Variants in RALGDS observed in about 807,000 individuals in gnomAD.
RALGDS encodes the protein ral guanine nucleotide dissociation stimulator.
RALGDS carries 44 observed loss-of-function variants against 99.8 expected under a neutral mutation model. That is an observed-to-expected ratio of 0.44 (90% CI 0.35 to 0.57). The LOEUF (loss-of-function observed/expected upper bound fraction) is 0.57. RALGDS is among the 20% of genes least tolerant of loss of function. The pLI, the probability that RALGDS is intolerant of heterozygous loss-of-function variation, is 0.01. For synonymous variants in RALGDS, 529 were observed against 505.0 expected, an observed-to-expected ratio of 1.05 and a Z score of -0.64; for missense variants, 1,022 against 1,203.1, an observed-to-expected ratio of 0.85 and a Z score of 2.23.
chr9:133,106,553 G>C, intron 8 of RALGDS, 92 bp downstream of exon 8: 1 of 991,252 alleles, frequency 1.0e-6, no homozygotes, highest in Non-Finnish European at 1.5e-6. Flanking sequence ...TGCCCTCAGG[G>C]TTTGTGGCCT....
chr9:133,135,353 T>C (rs1832409091), upstream of RALGDS, among the ~76,000 whole-genome samples: 1 of 152,156 alleles, frequency 6.6e-6, no homozygotes, highest in African/African-American at 2.4e-5. Flanking sequence ...AACTGGCTGA[T>C]TCACCCACCG....
chr9:133,127,182 C>A (rs145364080), intron 1 of RALGDS, among the ~76,000 whole-genome samples: 2 of 152,270 alleles, frequency 1.3e-5, no homozygotes, highest in South Asian at 4.1e-4. Flanking sequence ...ACCTTCAAGT[C>A]GGGACCCAGG....
chr9:133,109,549 TCCGGCC>T (rs1271557209), intron 4 of RALGDS, 71 bp downstream of exon 4: 2 of 1,358,708 alleles, frequency 1.5e-6, no homozygotes, highest in Admixed American at 1.7e-5. Flanking sequence ...CAGCCCCGGC[TCCGGCC>T]CCAGCCCCAT....
chr9:133,101,323 C>T (rs764700094), intron 16 of RALGDS, 197 bp downstream of exon 16: 52 of 1,432,598 alleles, frequency 3.6e-5, no homozygotes, highest in Non-Finnish European at 4.5e-5. Context: ...CTTTGCACGG[C>T]TGCTCCTTTC....
rs201226001 is a variant in RALGDS at position 133,101,888 on chromosome 9, T to C, written c.2211+50A>G. The stretch of plus-strand genomic sequence containing the variant: ...GGGCTTCCTGGCCCCATGCATGGAT[T>C]TGGAGTGGGGAGATGGGAAAGGATA... On this transcript the variant is annotated intron_variant, in intron 15 of 17. Transcript: ENST00000372050. 41 of 1,550,932 alleles carry C rather than the reference T, an allele frequency of 2.6e-5. No individual in the cohort carries two copies. The Admixed American group carries it at 2.9e-4, about 11-fold the overall frequency.
chr9:133,100,267 C>T lies in RALGDS; in HGVS notation c.2569+1G>A. ...CATCGCCCTCTGGTCTTCTGACTTACTCCGGTCATCTGAGAGAATCTGCAG... is the reference window on the plus strand; with the variant it reads ...CATCGCCCTCTGGTCTTCTGACTTATTCCGGTCATCTGAGAGAATCTGCAG... On this transcript the variant is annotated splice_donor_variant, in intron 17 of 17. Coordinates refer to ENST00000372050, the MANE Select transcript of RALGDS (RefSeq NM_006266.4). LOFTEE classifies it high-confidence loss of function. 2 of 1,614,004 alleles carry T rather than the reference C, an allele frequency of 1.2e-6. No individual in the cohort carries two copies. Among genetic ancestry groups the T allele is most frequent in the Non-Finnish European group, 1.7e-6 (2 of 1,179,822 alleles).
rs1831922489 is a variant in RALGDS, at chr9:133,121,186, CCGGCGCGCGGCGGGGGCGGCGGCG to C, written c.-56_-33del. The C allele has an allele frequency of 1.1e-6, 1 of 911,124 alleles. No individual in the cohort carries two copies. The highest frequency in any genetic ancestry group is 1.3e-6 in the Non-Finnish European group (1 of 758,528). The allele number at this position is 911,124 out of a possible 1,614,324, so 56.4% of individuals were successfully genotyped here. A position where few individuals can be genotyped will look rare whatever the true frequency, so the allele number is the denominator to read the frequency against. On this transcript the variant is annotated 5_prime_UTR_variant, in exon 1 of 18. Coordinates refer to ENST00000372050, the MANE Select transcript of RALGDS (RefSeq NM_006266.4). ...CTCGCAGCGCGGGCGCGGGGCCGGC[CCGGCGCGCGGCGGGGGCGGCGGCG>C]CGGCCCGCGCGGCTGGGCTTTGCCA...
chr9:133,137,929 G>A (rs1832452718), intron 1 of RALGDS, among the ~76,000 whole-genome samples: 1 of 152,254 alleles, frequency 6.6e-6, no homozygotes, highest in African/African-American at 2.4e-5. Context: ...CCACAGTCAG[G>A]CCCCTGTGTC....
rs955993276 is a variant in RALGDS, at chr9:133,130,936, T to G, written c.132+16A>C. On this transcript the variant is annotated intron_variant, in intron 1 of 17. Coordinates refer to the RALGDS transcript ENST00000372062. ...AGGGCGAAGTCAGAGGCCAAGAGTCTCAGCTACTTCCTTACCTTCCTGGGA... is the reference window on the plus strand; with the variant it reads ...AGGGCGAAGTCAGAGGCCAAGAGTCGCAGCTACTTCCTTACCTTCCTGGGA... The G allele has an allele frequency of 1.5e-5, 23 of 1,530,604 alleles. No individual in the cohort carries two copies. The Middle Eastern group carries it at 5.0e-4, about 33-fold the overall frequency. The allele number at this position is 1,530,604 out of a possible 1,614,324, so 94.8% of individuals were successfully genotyped here. A position where few individuals can be genotyped will look rare whatever the true frequency, so the allele number is the denominator to read the frequency against.
intron 9 of RALGDS, 60 bp downstream of exon 9, chr9:133,105,866 AGCCCCC>A (rs1370490027): frequency 0.024 from 315 of 12,870 alleles, 41 homozygotes; most frequent in African/African-American, 0.081. Flanking sequence ...CCCCAGCCCC[AGCCCCC>A]GCCCCAGCCC....
rs1323227719 is a variant in RALGDS at position 133,108,135 on chromosome 9, C to T, written c.1050G>A (p.Glu350=). ...EQDPAPSQTL[E]LEPAPAPVPS... ...GAACTGGTGCTGGAGCTGGCTCCAG[C>T]TCTAGAGTTTGTGAGGGAGCTGGAT... The change falls in exon 6 of 18, where the codon GAG becomes GAA. Residue 350 remains glutamate (E), a synonymous_variant. Transcript: ENST00000372050. 4 of 1,610,594 alleles carry T rather than the reference C, an allele frequency of 2.5e-6. No homozygotes were observed. The highest frequency in any genetic ancestry group is 3.4e-6 in the Non-Finnish European group (4 of 1,178,030).
At chr9:133,143,584 T>C (rs1832560587) in intron 1 of RALGDS, among the ~76,000 whole-genome samples, 1 of 151,694 alleles carries the variant, frequency 6.6e-6, no homozygotes, top group African/African-American at 2.4e-5. Flanking sequence ...GGTGAAACTG[T>C]TTCTACAAAA....
At chr9:133,108,953 A>G in intron 4 of RALGDS, 87 bp from the exon 5 acceptor site, 3 of 1,329,882 alleles carry the variant, frequency 2.3e-6, no homozygotes, top group Non-Finnish European at 3.1e-6. Context: ...GTCCATCTGA[A>G]GGCCACCTGC....
At chr9:133,115,974 C>G (rs1004265617) in intron 1 of RALGDS, among the ~76,000 whole-genome samples, 1 of 152,260 alleles carries the variant, frequency 6.6e-6, no homozygotes, top group Non-Finnish European at 1.5e-5. Context: ...GGGGCCCACG[C>G]TGCTGTGCCC....
intron 14 of RALGDS, 145 bp downstream of exon 14, chr9:133,102,331 G>A (rs1002247520): frequency 9.1e-7 from 1 of 1,093,120 alleles, no homozygotes; most frequent in Non-Finnish European, 1.4e-6. Flanking sequence ...CCAAAAAGGT[G>A]AGGGGACTCA....
chr9:133,107,533 CCCCCATCCCCCCGCCTCAGTCTGCT>C (rs1588523255), intron 6 of RALGDS, among the ~76,000 whole-genome samples: 2 of 152,334 alleles, frequency 1.3e-5, no homozygotes, highest in East Asian at 1.9e-4. Flanking sequence ...GCCTGCCCAC[CCCCCATCCCCCCGCCTCAGTCTGCT>C]CCCCATCCAG....
chr9:133,138,208 A>G (rs894123467), intron 1 of RALGDS, among the ~76,000 whole-genome samples: 2 of 152,100 alleles, frequency 1.3e-5, no homozygotes, highest in African/African-American at 4.8e-5. Flanking sequence ...CCTCTTTCTC[A>G]CAGTCCTTTG....
In RALGDS at chr9:133,108,145, T is replaced by A; in HGVS notation, c.1040A>T (p.Gln347Leu). 2 of 1,610,454 alleles carry A rather than the reference T, an allele frequency of 1.2e-6. No homozygotes were observed. Among genetic ancestry groups the A allele is most frequent in the Middle Eastern group, 3.3e-4 (2 of 6,056 alleles). Residue 347 changes from glutamine to leucine, a missense_variant, in exon 6 of 18, where the codon CAA becomes CTA. Gln to Leu is a moderately radical substitution (Grantham distance 113). This residue lies in a region of RALGDS where 825 missense variants were observed against 994.5 expected (regional missense o/e 0.83). Transcript: ENST00000372050. Reference protein sequence around the residue: ...PAPEQDPAPSQTLELEPAPAP... With the variant: ...PAPEQDPAPSLTLELEPAPAP... ...TGGAGCTGGCTCCAGCTCTAGAGTT[T>A]GTGAGGGAGCTGGATCCTGTTCTGG...
intron 1 of RALGDS, among the ~76,000 whole-genome samples, chr9:133,129,725 C>G (rs1283108494): frequency 6.6e-6 from 1 of 152,106 alleles, no homozygotes; most frequent in African/African-American, 2.4e-5. Context: ...GCAGGAGACC[C>G]CACTCACTTG....
Sources: gnomAD v4.1 joint callset for allele counts (sites outside exome capture counted in the v4.1 genomes callset) on GRCh38, gnomAD v4.1.1 for gene constraint, gnomAD v4.1.1 regional missense constraint, MANE v1.5 for transcripts, NCBI Gene and HGNC (gene_info 2026-07-23, HGNC 2026-07-21) for gene names.